ASPH: variants seen among roughly 807,000 people sequenced by gnomAD.
ASPH encodes the protein aspartate beta-hydroxylase, also known as aspartyl/asparaginyl beta-hydroxylase.
In ASPH, 100 loss-of-function variants were observed where a neutral mutation model predicts 118.4. The ratio of observed to expected loss-of-function variants is 0.84; its 90% CI spans 0.72 to 1.00. ASPH has a LOEUF of 1.00. ASPH is among the 50% of genes least tolerant of loss of function. ASPH has a pLI of 0.00. For synonymous variants in ASPH, 315 were observed against 325.6 expected (o/e 0.97, Z 0.35); for missense variants, 920 against 919.5 (o/e 1.00, Z -0.01).
At chr8:61,661,838 C>A in intron 3 of ASPH, 1 of 398,272 alleles carries the variant, frequency 2.5e-6, no homozygotes, top group South Asian at 1.0e-4. Flanking sequence ...TGGATTAATT[C>A]AAGTGTTCAT....
rs145048611 is a variant in ASPH, at chr8:61,562,967, T to C, written c.1301-87A>G. 7.8e-4 allele frequency: 1,030 copies of C among 1,312,452 alleles called. 9 individuals are homozygous for C. In the East Asian group the frequency reaches 0.025, roughly 32 times the overall value. 81.3% of individuals were successfully genotyped at this position (1,312,452 alleles called of 1,614,324 possible). On this transcript the variant is annotated intron_variant, in intron 17 of 24. Coordinates refer to ENST00000379454, the MANE Select transcript of ASPH (RefSeq NM_004318.4). ...GAGAATGTAAGTCATGAGAGACTAT[T>C]CACCAGAGCCTGAGAACCAGCTCAA...
At chr8:61,680,895 A>T in intron 3 of ASPH, 73 bp downstream of exon 3, 1 of 1,292,524 alleles carries the variant, frequency 7.7e-7, no homozygotes, top group South Asian at 1.4e-5. Flanking sequence ...ATTGAGATAG[A>T]TATTATTAAA....
intron 12 of ASPH, 124 bp downstream of exon 12, chr8:61,637,823 C>T: frequency 1.2e-6 from 1 of 852,892 alleles, no homozygotes; most frequent in South Asian, 1.8e-5. Context: ...TGTTTTCTTC[C>T]CTCTTGTACT....
chr8:61,617,882 G>A (rs1404784564), intron 14 of ASPH, among the ~76,000 whole-genome samples: 6 of 141,390 alleles, frequency 4.2e-5, no homozygotes, highest in East Asian at 4.2e-4. Flanking sequence ...GCAGTGAGCC[G>A]AGATCATGCC....
At chr8:61,598,614 A>G (rs1843087821) in intron 14 of ASPH, among the ~76,000 whole-genome samples, 1 of 152,234 alleles carries the variant, frequency 6.6e-6, no homozygotes, top group East Asian at 1.9e-4. Flanking sequence ...TAAACACTGG[A>G]TTTAAACTGC....
At chr8:61,664,609 G>C in intron 3 of ASPH, 3 of 986,744 alleles carry the variant, frequency 3.0e-6, no homozygotes, top group Non-Finnish European at 3.6e-6. Flanking sequence ...GCAGCGGTGA[G>C]GTGAGGAGTG....
At chr8:61,702,796 G>A (rs1164206033) in intron 1 of ASPH, among the ~76,000 whole-genome samples, 2 of 152,110 alleles carry the variant, frequency 1.3e-5, no homozygotes, top group Non-Finnish European at 2.9e-5. Flanking sequence ...ATGTAAGGAT[G>A]GTTTTAAATT....
intron 3 of ASPH, chr8:61,675,817 C>A: frequency 7.8e-7 from 1 of 1,281,254 alleles, no homozygotes; most frequent in Non-Finnish European, 9.9e-7. Flanking sequence ...AATTATACCA[C>A]CAAGAACATC....
chr8:61,602,626 G>A lies in ASPH; in HGVS notation c.976+16352C>T, dbSNP rs183635412. On this transcript the variant is annotated intron_variant, in intron 14 of 24. Transcript: ENST00000379454. ...GAATCTGGGAAATGTAAACTAATGC[G>A]TAGGGACCTTAAGTGGATCAGTGGC... Among the ~76,000 whole-genome samples, 124 of 151,328 alleles carry A rather than the reference G, an allele frequency of 8.2e-4. 5 individuals are homozygous for A. Among genetic ancestry groups the A allele is most frequent in the African/African-American group, 2.8e-3 (114 of 40,710 alleles).
chr8:61,668,884 A>T (rs927690117), intron 3 of ASPH, among the ~76,000 whole-genome samples: 3 of 152,220 alleles, frequency 2.0e-5, no homozygotes, highest in Non-Finnish European at 4.4e-5. Flanking sequence ...AGTTCTGATA[A>T]TAGATTTATT....
In ASPH at chr8:61,545,709, A is replaced by G. The variant is rs1267785041; in HGVS notation, c.1764+2362T>C. Among the ~76,000 whole-genome samples, 4 of 152,208 alleles carry G rather than the reference A, an allele frequency of 2.6e-5. No homozygotes were observed. The East Asian group carries it at 7.7e-4, about 29-fold the overall frequency. ...ATAGTAGACTGCCTTCACACAATCAATCATGCTTCTTTCTTCTTAACAAAA... is the reference window on the plus strand; with the variant it reads ...ATAGTAGACTGCCTTCACACAATCAGTCATGCTTCTTTCTTCTTAACAAAA... On this transcript the variant is annotated intron_variant, in intron 21 of 24. Coordinates refer to ENST00000379454, the MANE Select transcript of ASPH (RefSeq NM_004318.4).
chr8:61,665,185 C>T, intron 3 of ASPH: 3 of 1,518,238 alleles, frequency 2.0e-6, no homozygotes, highest in East Asian at 2.3e-5. Context: ...TTACATTTTC[C>T]ATGCTTTTTT....
At chr8:61,689,829 TA>T in intron 1 of ASPH, 1 of 1,419,306 alleles carries the variant, frequency 7.0e-7, no homozygotes, top group African/African-American at 1.5e-5. Context: ...CCCTGCACTG[TA>T]AGGGCCTCTA....
rs1805003569 is a variant in ASPH at position 61,501,916 on chromosome 8, T to A, written c.*1443A>T. On this transcript the variant is annotated 3_prime_UTR_variant, in exon 25 of 25. Coordinates refer to ENST00000379454, the MANE Select transcript of ASPH (RefSeq NM_004318.4). ...AGCACAAGTTTTTTCTACCTGTGAA[T>A]GAACTTTGGTGACCTATATGTGCCA... The A allele has an allele frequency of 6.6e-6, 1 of 152,212 alleles. No homozygotes were observed. Among genetic ancestry groups the A allele is most frequent in the Non-Finnish European group, 1.5e-5 (1 of 68,024 alleles). 9.4% of individuals were successfully genotyped at this position (152,212 alleles called of 1,614,324 possible).
In ASPH at chr8:61,576,753, G is replaced by T. The variant is rs2132129260; in HGVS notation, c.1149+19C>A. 6.3e-7 allele frequency: 1 copy of T among 1,597,550 alleles called. No homozygotes were observed. Among genetic ancestry groups the T allele is most frequent in the Non-Finnish European group, 8.5e-7 (1 of 1,170,548 alleles). ...ATGAACATCAAAAAAGTGTCCTAAG[G>T]AGAAGGGTCTCAGAATACCTGCGCC... On this transcript the variant is annotated intron_variant, in intron 16 of 24. Coordinates refer to ENST00000379454, the MANE Select transcript of ASPH (RefSeq NM_004318.4).
chr8:61,576,907 T>A (rs1835336143), intron 15 of ASPH, 49 bp from the exon 16 acceptor site: 1 of 1,434,674 alleles, frequency 7.0e-7, no homozygotes, highest in Non-Finnish European at 9.6e-7. Context: ...AAATGAATAA[T>A]CAATCAATAT....
At chr8:61,581,335 T>C (rs139215409) in intron 15 of ASPH, among the ~76,000 whole-genome samples, 391 of 152,346 alleles carry the variant, frequency 2.6e-3, no homozygotes, top group African/African-American at 8.5e-3. Flanking sequence ...GTTTGAAGAA[T>C]TGCCTGAAAA....
At chr8:61,593,926 T>C (rs960772076) in intron 14 of ASPH, among the ~76,000 whole-genome samples, 7 of 152,208 alleles carry the variant, frequency 4.6e-5, no homozygotes, top group African/African-American at 1.7e-4. Flanking sequence ...TGGTGTTCTG[T>C]TTCTCTAGCC....
intron 1 of ASPH, among the ~76,000 whole-genome samples, chr8:61,707,972 T>A (rs1837104316): frequency 6.6e-6 from 1 of 152,220 alleles, no homozygotes; most frequent in African/African-American, 2.4e-5. Context: ...TGTGGATACA[T>A]AATGTGTATG....
Sources: gnomAD v4.1 joint callset for allele counts (sites outside exome capture counted in the v4.1 genomes callset) on GRCh38, gnomAD v4.1.1 for gene constraint, MANE v1.5 for transcripts, NCBI Gene and HGNC (gene_info 2026-07-23, HGNC 2026-07-21) for gene names.